PIK3C2G: variants seen among roughly 807,000 people sequenced by gnomAD.
The protein encoded by PIK3C2G is phosphatidylinositol 3-kinase C2 domain-containing subunit gamma.
Under a neutral mutation model 181.1 loss-of-function variants are expected in PIK3C2G, and 168 were observed. The observed-to-expected ratio is 0.93, with a 90% CI of 0.82 to 1.05. PIK3C2G has a LOEUF of 1.05. PIK3C2G is among the 50% of genes least tolerant of loss of function. The pLI, the probability that PIK3C2G is intolerant of heterozygous loss-of-function variation, is 0.00. For missense variants in PIK3C2G, 1,869 were observed against 1,732.8 expected (o/e 1.08, Z -1.40); for synonymous variants, 573 against 592.2 (o/e 0.97, Z 0.47).
rs752202505 is a variant in PIK3C2G, at chr12:18,313,995, A to G, written c.1068A>G (p.Gln356=). Residue 356 remains glutamine (Q), a synonymous_variant, in exon 6 of 33, where the codon CAA becomes CAG. Transcript: ENST00000538779. ...DHCLGSHKMF[Q]KDKSVIQLHL... is the part of the protein sequence containing the mutation. ...GTTTGGGGAGCCACAAAATGTTTCA[A>G]AAAGATAAATCTGTTATTCAGCTCC... The G allele has an allele frequency of 2.5e-6, 4 of 1,592,022 alleles. No individual in the cohort carries two copies. The highest frequency in any genetic ancestry group is 3.4e-6 in the Non-Finnish European group (4 of 1,168,124).
chr12:18,698,684 C>A, the PIK3C2G span, among the ~76,000 whole-genome samples: 2 of 152,000 alleles, frequency 1.3e-5, no homozygotes, highest in African/African-American at 4.8e-5. Flanking sequence ...TTATGGAGTA[C>A]ACGAGATATT....
rs143530801 is a variant in PIK3C2G, at chr12:18,446,366, G to A, written c.2504+22327G>A. Among the ~76,000 whole-genome samples, 1,023 of 151,946 alleles carry A rather than the reference G, an allele frequency of 6.7e-3. 11 individuals are homozygous for A. Among genetic ancestry groups the A allele is most frequent in the African/African-American group, 0.023 (972 of 41,458 alleles). On this transcript the variant is annotated intron_variant, in intron 18 of 32. Coordinates refer to ENST00000538779, the MANE Select transcript of PIK3C2G (RefSeq NM_001288772.2). ...TGGCAGTCTCAGCAGGAGATTACAG[G>A]GAAAAAAAGAGAGTTCATGGTATGT... is the stretch of plus-strand genomic sequence containing the variant.
intron 26 of PIK3C2G, among the ~76,000 whole-genome samples, chr12:18,552,226 T>G (rs1944770427): frequency 6.6e-6 from 1 of 152,114 alleles, no homozygotes. Context: ...TTTCAGAAAT[T>G]CTTTGTTCCC....
At chr12:18,704,772 A>AT in the PIK3C2G span, among the ~76,000 whole-genome samples, 1 of 152,122 alleles carries the variant, frequency 6.6e-6, no homozygotes, top group Non-Finnish European at 1.5e-5. Flanking sequence ...AAAAGAGTAG[A>AT]TTTTTTAAAG....
At chr12:18,263,643 T>C (rs1948349362) in intron 1 of PIK3C2G, among the ~76,000 whole-genome samples, 1 of 152,214 alleles carries the variant, frequency 6.6e-6, no homozygotes, top group Admixed American at 6.5e-5. Context: ...GTGTTATTCT[T>C]TACCTCCTGA....
intron 31 of PIK3C2G, among the ~76,000 whole-genome samples, chr12:18,613,463 A>AC (rs1043840709): frequency 3.3e-5 from 5 of 150,556 alleles, no homozygotes; most frequent in South Asian, 2.1e-4. Context: ...AAACACAAGA[A>AC]CCCCCCCACA....
the PIK3C2G span, among the ~76,000 whole-genome samples, chr12:18,681,051 A>G: frequency 6.6e-6 from 1 of 151,980 alleles, no homozygotes; most frequent in African/African-American, 2.4e-5. Flanking sequence ...TGATTCCGGA[A>G]TGTTCTTGTC....
At chr12:18,667,224 G>A in the PIK3C2G span, among the ~76,000 whole-genome samples, 2 of 152,136 alleles carry the variant, frequency 1.3e-5, no homozygotes, top group African/African-American at 4.8e-5. Context: ...GTTCAAATAC[G>A]TAAGTGAATA....
intron 31 of PIK3C2G, among the ~76,000 whole-genome samples, chr12:18,614,586 A>T (rs1948504411): frequency 6.6e-6 from 1 of 152,114 alleles, no homozygotes; most frequent in Non-Finnish European, 1.5e-5. Context: ...AGATAGATGT[A>T]TGTGTAGTGG....
At chr12:18,582,504 G>A (rs1024594890) in intron 29 of PIK3C2G, among the ~76,000 whole-genome samples, 5 of 152,088 alleles carry the variant, frequency 3.3e-5, no homozygotes, top group Non-Finnish European at 7.4e-5. Context: ...TTTAGATACC[G>A]GGCTTCCTAG....
chr12:18,524,400 C>A (rs1943103908), intron 24 of PIK3C2G, among the ~76,000 whole-genome samples: 1 of 152,066 alleles, frequency 6.6e-6, no homozygotes, highest in South Asian at 2.1e-4. Context: ...GTATTCTCGC[C>A]TGTGGATAGT....
chr12:18,324,384 G>T (rs5026693), intron 7 of PIK3C2G, among the ~76,000 whole-genome samples: 2 of 129,772 alleles, frequency 1.5e-5, no homozygotes, highest in Admixed American at 1.1e-4. Flanking sequence ...AAATAATGGT[G>T]TTTGTTTTAA....
At chr12:18,248,114 G>C (rs1309788088) in intron 1 of PIK3C2G, 1 of 152,066 alleles carries the variant, frequency 6.6e-6, no homozygotes, top group Middle Eastern at 3.2e-3. Flanking sequence ...ACCAATTTCT[G>C]GTGATGGTAT....
At chr12:18,533,768 C>A (rs1271523274) in intron 24 of PIK3C2G, among the ~76,000 whole-genome samples, 1 of 151,924 alleles carries the variant, frequency 6.6e-6, no homozygotes, top group Admixed American at 6.6e-5. Flanking sequence ...ACCTAACAGA[C>A]AGAAATATAC....
intron 5 of PIK3C2G, among the ~76,000 whole-genome samples, chr12:18,310,541 T>A (rs1950595058): frequency 6.6e-6 from 1 of 151,936 alleles, no homozygotes; most frequent in South Asian, 2.1e-4. Flanking sequence ...AAGAGAGAAC[T>A]GAATTGAAGT....
intron 16 of PIK3C2G, among the ~76,000 whole-genome samples, chr12:18,417,941 T>G (rs969400208): frequency 6.6e-6 from 1 of 152,166 alleles, no homozygotes; most frequent in African/African-American, 2.4e-5. Flanking sequence ...GAGTGGTATT[T>G]ATAAAATTAA....
chr12:18,356,720 G>A (rs1940769908), intron 11 of PIK3C2G, among the ~76,000 whole-genome samples: 1 of 152,010 alleles, frequency 6.6e-6, no homozygotes, highest in Non-Finnish European at 1.5e-5. Context: ...CCTGGAGTTC[G>A]GCCATCGCTG....
intron 10 of PIK3C2G, among the ~76,000 whole-genome samples, chr12:18,345,633 C>CT (rs1939598218): frequency 6.6e-6 from 1 of 152,122 alleles, no homozygotes; most frequent in African/African-American, 2.4e-5. Flanking sequence ...TAGCTCTTTG[C>CT]ACTATTTTCA....
intron 31 of PIK3C2G, among the ~76,000 whole-genome samples, chr12:18,631,433 A>G (rs572738072): frequency 6.6e-6 from 1 of 152,284 alleles, no homozygotes; most frequent in South Asian, 2.1e-4. Context: ...GTGTTACTTA[A>G]TGCTGGGAAA....
Sources: gnomAD v4.1 joint callset for allele counts (sites outside exome capture counted in the v4.1 genomes callset) on GRCh38, gnomAD v4.1.1 for gene constraint, MANE v1.5 for transcripts, NCBI Gene and HGNC (gene_info 2026-07-23, HGNC 2026-07-21) for gene names.